The following HMGN3 variants were observed in gnomAD, a reference collection of about 807,000 sequenced individuals.
The protein encoded by HMGN3 is high mobility group nucleosome-binding domain-containing protein 3.
In HMGN3, 6 loss-of-function variants were observed where a neutral mutation model predicts 18.8. The ratio of observed to expected loss-of-function variants is 0.32; its 90% CI spans 0.18 to 0.63. The LOEUF (loss-of-function observed/expected upper bound fraction) is 0.63, where lower values mean the gene tolerates loss of function less well. Among genes scored for constraint, HMGN3 ranks in the 30% least tolerant of loss-of-function variants. HMGN3 has a pLI of 0.79. For missense variants in HMGN3, 107 were observed against 114.2 expected (o/e 0.94, Z 0.29); for synonymous variants, 40 against 36.5 (o/e 1.10, Z -0.35).
intron 1 of HMGN3, among the ~76,000 whole-genome samples, chr6:79,221,617 C>T: frequency 6.6e-6 from 1 of 152,184 alleles, no homozygotes; most frequent in East Asian, 1.9e-4. Flanking sequence ...CCAATTTTCT[C>T]CCTCCAAACT....
intron 1 of HMGN3, among the ~76,000 whole-genome samples, chr6:79,230,929 C>T (rs1777808161): frequency 1.3e-5 from 2 of 152,122 alleles, no homozygotes; most frequent in African/African-American, 4.8e-5. Flanking sequence ...TTAAGCATCC[C>T]CTGTGCTAAT....
chr6:79,230,724 A>C (rs1179314094), intron 1 of HMGN3, among the ~76,000 whole-genome samples: 1 of 152,170 alleles, frequency 6.6e-6, no homozygotes, highest in East Asian at 1.9e-4. Context: ...TTTTTCAGTG[A>C]TATGTGGTAC....
chr6:79,231,255 G>A (rs1203987308), intron 1 of HMGN3, among the ~76,000 whole-genome samples: 4 of 152,104 alleles, frequency 2.6e-5, no homozygotes, highest in Middle Eastern at 3.2e-3. Context: ...ATGTCTCTTC[G>A]TAGAACATCA....
At chr6:79,222,951 G>T (rs994496784) in intron 1 of HMGN3, among the ~76,000 whole-genome samples, 9 of 152,162 alleles carry the variant, frequency 5.9e-5, no homozygotes, top group Admixed American at 5.9e-4. Context: ...GGACCACTTT[G>T]CAGGGAAAAT....
intron 1 of HMGN3, among the ~76,000 whole-genome samples, chr6:79,223,373 G>A (rs753263147): frequency 5.5e-4 from 83 of 152,078 alleles, no homozygotes; most frequent in Non-Finnish European, 9.0e-4. Flanking sequence ...TAGCTGGGCC[G>A]GGTGGCATAT....
At chr6:79,208,849 A>AG in intron 2 of HMGN3, among the ~76,000 whole-genome samples, 1 of 151,538 alleles carries the variant, frequency 6.6e-6, no homozygotes, top group Admixed American at 6.6e-5. Context: ...AGGGAAATGA[A>AG]GATCAACTTA....
intron 5 of HMGN3, 141 bp downstream of exon 6, chr6:79,201,922 A>G: frequency 6.9e-7 from 1 of 1,439,150 alleles, no homozygotes; most frequent in Non-Finnish European, 9.1e-7. Context: ...TGTTTCATTT[A>G]TTGCTTTCTG....
chr6:79,233,734 C>T (rs1459182061), intron 1 of HMGN3: 1 of 152,324 alleles, frequency 6.6e-6, no homozygotes. Context: ...GAAGACAAGA[C>T]AAAAATGACT....
chr6:79,225,705 G>C (rs1381094610), intron 1 of HMGN3, among the ~76,000 whole-genome samples: 1 of 152,158 alleles, frequency 6.6e-6, no homozygotes, highest in African/African-American at 2.4e-5. Context: ...TAAAGAGTCA[G>C]ACTTTTAATA....
chr6:79,219,228 G>A (rs554829319), intron 1 of HMGN3, among the ~76,000 whole-genome samples: 1 of 152,202 alleles, frequency 6.6e-6, no homozygotes, highest in South Asian at 2.1e-4. Flanking sequence ...AAAGTTATCA[G>A]AGTTAAGGCA....
chr6:79,212,625 T>G (rs1362646881), intron 2 of HMGN3, among the ~76,000 whole-genome samples: 2 of 152,252 alleles, frequency 1.3e-5, no homozygotes, highest in Non-Finnish European at 2.9e-5. Context: ...TTGTAACTGT[T>G]GATTGTAATG....
At chr6:79,218,130 T>C (rs1777089673) in intron 1 of HMGN3, among the ~76,000 whole-genome samples, 1 of 152,264 alleles carries the variant, frequency 6.6e-6, no homozygotes, top group Admixed American at 6.5e-5. Flanking sequence ...AAGCTGCTTA[T>C]GTGAGGATAC....
intron 3 of HMGN3, among the ~76,000 whole-genome samples, chr6:79,204,880 T>C (rs1776336401): frequency 6.6e-6 from 1 of 152,254 alleles, no homozygotes; most frequent in Admixed American, 6.5e-5. Context: ...TCTTACATTT[T>C]CAGAATTTAA....
chr6:79,232,411 T>G (rs950773744), intron 1 of HMGN3, among the ~76,000 whole-genome samples: 15 of 152,162 alleles, frequency 9.9e-5, no homozygotes, highest in African/African-American at 3.4e-4. Flanking sequence ...CAGGTATAAA[T>G]GGAAAGCCTT....
chr6:79,225,553 A>G (rs974896317), intron 1 of HMGN3, among the ~76,000 whole-genome samples: 1 of 152,192 alleles, frequency 6.6e-6, no homozygotes, highest in Non-Finnish European at 1.5e-5. Context: ...ATCCCTCAAT[A>G]TATTGTATAA....
intron 2 of HMGN3, among the ~76,000 whole-genome samples, chr6:79,214,372 T>C (rs1489764805): frequency 2.6e-5 from 4 of 151,966 alleles, no homozygotes; most frequent in Admixed American, 1.3e-4. Flanking sequence ...TGGCTAACTT[T>C]TTATATTTTT....
chr6:79,207,065 T>C (rs900110944), intron 3 of HMGN3, among the ~76,000 whole-genome samples: 1 of 152,206 alleles, frequency 6.6e-6, no homozygotes. Flanking sequence ...AAGAAGTAAC[T>C]AACTTGCTTT....
At chr6:79,225,559 T>C (rs2127836305) in intron 1 of HMGN3, among the ~76,000 whole-genome samples, 1 of 152,312 alleles carries the variant, frequency 6.6e-6, no homozygotes, top group East Asian at 1.9e-4. Flanking sequence ...CAATATATTG[T>C]ATAATATGCA....
At chr6:79,209,813 T>C (rs1228966355) in intron 2 of HMGN3, among the ~76,000 whole-genome samples, 5 of 152,336 alleles carry the variant, frequency 3.3e-5, no homozygotes, top group East Asian at 1.9e-4. Flanking sequence ...CCAGAGAAGC[T>C]AAACTCATCT....
Sources: gnomAD v4.1 joint callset for allele counts (sites outside exome capture counted in the v4.1 genomes callset) on GRCh38, gnomAD v4.1.1 for gene constraint, MANE v1.5 for transcripts, NCBI Gene and HGNC (gene_info 2026-07-23, HGNC 2026-07-21) for gene names.